The following CFAP57 variants were observed in gnomAD, a reference collection of about 807,000 sequenced individuals.
CFAP57 encodes cilia- and flagella-associated protein 57.
CFAP57 carries 116 observed loss-of-function variants against 146.8 expected under a neutral mutation model. The observed-to-expected ratio is 0.79, with a 90% CI of 0.68 to 0.92. The LOEUF (loss-of-function observed/expected upper bound fraction) is 0.92, where lower values mean the gene tolerates loss of function less well. Among genes scored for constraint, CFAP57 ranks in the 40% least tolerant of loss-of-function variants. The probability of loss-of-function intolerance (pLI) is 0.00; values close to 1 mark genes in which losing one functional copy is unlikely to be tolerated. For missense variants in CFAP57, 1,377 were observed against 1,527.2 expected (o/e 0.90, Z 1.64); for synonymous variants, 518 against 552.8 (o/e 0.94, Z 0.88).
Position 43,229,594 on chromosome 1 carries a change from G to A in CFAP57, c.3009+2468G>A, listed in dbSNP as rs115874292. ...ATAACACTTCCTGATTCAGGTACCC[G>A]CCCTCACATACTCTTTTTCCAACTT... On this transcript the variant is annotated intron_variant, in intron 18 of 22. Coordinates refer to ENST00000372492, the MANE Select transcript of CFAP57 (RefSeq NM_001378189.1). Among the ~76,000 whole-genome samples the A allele has an allele frequency of 1.9e-3, 287 of 148,676 alleles. 28 individuals are homozygous for A. Among genetic ancestry groups the A allele is most frequent in the African/African-American group, 6.8e-3 (269 of 39,810 alleles).
rs1316887457 is a variant in CFAP57, at chr1:43,222,897, G to T, written c.2606G>T (p.Arg869Leu). 18 of 1,550,416 alleles carry T rather than the reference G, an allele frequency of 1.2e-5. No individual in the cohort carries two copies. The highest frequency in any genetic ancestry group is 2.0e-5 in the Admixed American group (1 of 50,972). ...AAGCAGATTGAGGAAGATGAAGACC[G>T]AGAAATCCAAGATATCAAAACCAAG... ...TKKQIEEDED[R>L]EIQDIKTKYE... Residue 869 changes from arginine to leucine, a missense_variant, in exon 16 of 23, where the codon CGA becomes CTA. Coordinates refer to ENST00000372492, the MANE Select transcript of CFAP57 (RefSeq NM_001378189.1).
In CFAP57 at chr1:43,206,951, C is replaced by T. The variant is rs774381867; in HGVS notation, c.1755+19C>T. Reference sequence around the variant, plus strand: ...TTCCTTGGTGAGTCTGCCCCTGCCCCGCCTCTGGGCTGGTGCACGGATCTG... The same window carrying T: ...TTCCTTGGTGAGTCTGCCCCTGCCCTGCCTCTGGGCTGGTGCACGGATCTG... On this transcript the variant is annotated intron_variant, in intron 10 of 22. Coordinates refer to ENST00000372492, the MANE Select transcript of CFAP57 (RefSeq NM_001378189.1). 60 of 1,609,484 alleles carry T rather than the reference C, an allele frequency of 3.7e-5. No individual in the cohort carries two copies. The highest frequency in any genetic ancestry group is 4.5e-5 in the Non-Finnish European group (53 of 1,177,336).
rs142683756 is a variant in CFAP57 at position 43,203,171 on chromosome 1, TCAAAACAAAA to T, written c.1543-3530_1543-3521del. Among the ~76,000 whole-genome samples the T allele has an allele frequency of 1.6e-4, 24 of 151,594 alleles. 1 individual carries two copies. The highest frequency in any genetic ancestry group is 2.2e-4 in the African/African-American group (9 of 41,164). On this transcript the variant is annotated intron_variant, in intron 9 of 22. Coordinates refer to ENST00000372492, the MANE Select transcript of CFAP57 (RefSeq NM_001378189.1). ...CTGGGCAGCAGAGTGAGACTCTGCC[TCAAAACAAAA>T]CAAAACAAAACAAAACAAGAAGAAT...
In CFAP57 at chr1:43,206,867, C is replaced by G; in HGVS notation, c.1690C>G (p.Pro564Ala). ...SCSYNCVTVS[P>A]DAKIIFAVGS... Reference sequence around the variant, plus strand: ...CAGCTACAACTGTGTTACTGTCTCCCCCGATGCCAAAATTATCTTTGCTGT... The same window carrying G: ...CAGCTACAACTGTGTTACTGTCTCCGCCGATGCCAAAATTATCTTTGCTGT... Residue 564 changes from proline to alanine, a missense_variant, in exon 10 of 23, where the codon CCC becomes GCC. Coordinates refer to ENST00000372492, the MANE Select transcript of CFAP57 (RefSeq NM_001378189.1). The G allele has an allele frequency of 6.2e-7, 1 of 1,614,160 alleles. No homozygotes were observed. Among genetic ancestry groups the G allele is most frequent in the Non-Finnish European group, 8.5e-7 (1 of 1,180,036 alleles).
At chr1:43,236,403 C>T (rs1255324678) in intron 21 of CFAP57, among the ~76,000 whole-genome samples, 1 of 151,726 alleles carries the variant, frequency 6.6e-6, no homozygotes, top group East Asian at 1.9e-4. Context: ...ACTGTGCCGA[C>T]CCTGGTTTAC....
chr1:43,225,029 G>C (rs1645191599), intron 17 of CFAP57, among the ~76,000 whole-genome samples: 1 of 152,136 alleles, frequency 6.6e-6, no homozygotes. Context: ...CTGCATGTGA[G>C]TGTCGGTGTA....
chr1:43,178,636 C>T (rs1328881773), intron 2 of CFAP57, among the ~76,000 whole-genome samples: 2 of 152,184 alleles, frequency 1.3e-5, no homozygotes, highest in African/African-American at 4.8e-5. Context: ...CAGGAAACAA[C>T]AGGTACTGGA....
At chr1:43,174,215 G>A (rs11210798) in intron 2 of CFAP57, among the ~76,000 whole-genome samples, 30,753 of 151,954 alleles carry the variant, frequency 0.2, 3,618 homozygotes, top group Middle Eastern at 0.3. Context: ...TCAGTTTGGG[G>A]CATTTTTCTC....
intron 21 of CFAP57, among the ~76,000 whole-genome samples, chr1:43,236,857 C>T (rs1301616398): frequency 1.3e-5 from 2 of 150,566 alleles, no homozygotes; most frequent in Non-Finnish European, 2.9e-5. Context: ...TGCAGTGAGC[C>T]AAGATCGGGC....
chr1:43,195,243 G>A (rs987807297), intron 6 of CFAP57, among the ~76,000 whole-genome samples: 1 of 152,180 alleles, frequency 6.6e-6, no homozygotes, highest in Non-Finnish European at 1.5e-5. Context: ...ACATGGACAG[G>A]CCAGGTGTGA....
intron 11 of CFAP57, among the ~76,000 whole-genome samples, chr1:43,211,741 C>T (rs569419425): frequency 1.9e-4 from 29 of 152,280 alleles, no homozygotes; most frequent in African/African-American, 6.5e-4. Context: ...TTTGTCCATA[C>T]AATTAAATAT....
chr1:43,233,116 T>C (rs1346098474), intron 19 of CFAP57, among the ~76,000 whole-genome samples: 1 of 152,212 alleles, frequency 6.6e-6, no homozygotes, highest in Non-Finnish European at 1.5e-5. Flanking sequence ...TAATGGAATC[T>C]AGGTTTTCTG....
At chr1:43,244,884 C>T (rs1226350398) in intron 22 of CFAP57, among the ~76,000 whole-genome samples, 3 of 152,120 alleles carry the variant, frequency 2.0e-5, no homozygotes, top group Non-Finnish European at 4.4e-5. Context: ...GCCTGGACAA[C>T]AGAGTGAGAC....
intron 22 of CFAP57, among the ~76,000 whole-genome samples, chr1:43,248,869 A>G (rs1646218943): frequency 9.0e-6 from 1 of 111,558 alleles, no homozygotes; most frequent in Non-Finnish European, 1.8e-5. Flanking sequence ...ATATTTCTCC[A>G]TATCATAACC....
At chr1:43,180,394 G>A (rs1390230152) in intron 2 of CFAP57, among the ~76,000 whole-genome samples, 2 of 151,642 alleles carry the variant, frequency 1.3e-5, no homozygotes, top group African/African-American at 4.9e-5. Flanking sequence ...ATTTTCCTAG[G>A]TCCTCAAAAG....
In CFAP57 at chr1:43,222,815, C is replaced by T; in HGVS notation, c.2533-9C>T. 6.5e-7 allele frequency: 1 copy of T among 1,533,132 alleles called. No homozygotes were observed. The highest frequency in any genetic ancestry group is 2.5e-5 in the East Asian group (1 of 40,766). The allele number at this position is 1,533,132 out of a possible 1,614,324, so 95.0% of individuals were successfully genotyped here. A position where few individuals can be genotyped will look rare whatever the true frequency, so the allele number is the denominator to read the frequency against. ...TCCCCTGACCACACGCCCACTCTCT[C>T]TGAGCCAGGCACAGGAAGACGTCAG... On this transcript the variant is annotated splice_polypyrimidine_tract_variant and intron_variant, in intron 15 of 22. Coordinates refer to ENST00000372492, the MANE Select transcript of CFAP57 (RefSeq NM_001378189.1).
At chr1:43,210,288 G>T (rs752077629) in intron 11 of CFAP57, 74 of 1,436,316 alleles carry the variant, frequency 5.2e-5, no homozygotes, top group Non-Finnish European at 6.6e-5. Flanking sequence ...CTGAAGATTG[G>T]CCCCTACCTC....
At chr1:43,228,212 C>A (rs1645329946) in intron 18 of CFAP57, among the ~76,000 whole-genome samples, 2 of 152,216 alleles carry the variant, frequency 1.3e-5, no homozygotes. Context: ...GCTCCCCCTC[C>A]CTGCTCCAGC....
At chr1:43,198,776 G>T in intron 8 of CFAP57, 130 bp downstream of exon 8, 1 of 911,730 alleles carries the variant, frequency 1.1e-6, no homozygotes. Flanking sequence ...CTTAAAAAAA[G>T]GGGGAAGGAG....
Sources: gnomAD v4.1 joint callset for allele counts (sites outside exome capture counted in the v4.1 genomes callset) on GRCh38, gnomAD v4.1.1 for gene constraint, MANE v1.5 for transcripts, NCBI Gene and HGNC (gene_info 2026-07-23, HGNC 2026-07-21) for gene names.